Variants in DAB1 observed in about 807,000 individuals in gnomAD.
DAB1 encodes the protein DAB adaptor protein 1.
A neutral mutation model predicts 64.6 loss-of-function variants in DAB1; 15 were observed. The ratio of observed to expected loss-of-function variants is 0.23; its 90% CI spans 0.16 to 0.36. DAB1 has a LOEUF of 0.36. Among genes scored for constraint, DAB1 ranks in the 10% least tolerant of loss-of-function variants. The pLI is 1.00. For missense variants in DAB1, 596 were observed against 706.7 expected (o/e 0.84, Z 1.78); for synonymous variants, 235 against 251.9 (o/e 0.93, Z 0.64).
chr1:57,495,159 G>C (rs1473659014), intron 7 of DAB1, among the ~76,000 whole-genome samples: 2 of 152,086 alleles, frequency 1.3e-5, no homozygotes, highest in Non-Finnish European at 2.9e-5. Context: ...AGTTAATAAA[G>C]CTTCTAAAAA....
chr1:57,504,970 G>A (rs917758646), intron 7 of DAB1, among the ~76,000 whole-genome samples: 10 of 152,168 alleles, frequency 6.6e-5, no homozygotes, highest in Non-Finnish European at 1.3e-4. Flanking sequence ...CAGCCAAGAG[G>A]AACTTAAGAA....
At chr1:57,912,691 G>T (rs6674934) in intron 5 of DAB1, among the ~76,000 whole-genome samples, 8,243 of 152,122 alleles carry the variant, frequency 0.054, 766 homozygotes, top group African/African-American at 0.19. Flanking sequence ...TATCTAGAAA[G>T]CCCCATCGTC....
chr1:57,008,521 T>C (rs1486659454), intron 14 of DAB1, among the ~76,000 whole-genome samples: 1 of 152,190 alleles, frequency 6.6e-6, no homozygotes, highest in Non-Finnish European at 1.5e-5. Flanking sequence ...GCTTCACATA[T>C]ATCACTTTAT....
At chr1:57,692,423 G>T (rs1646775476) in intron 6 of DAB1, among the ~76,000 whole-genome samples, 1 of 151,982 alleles carries the variant, frequency 6.6e-6, no homozygotes, top group Non-Finnish European at 1.5e-5. Context: ...AGAAAGACAG[G>T]AAGTCAAAGA....
At chr1:57,991,290 T>C (rs1646334293) in intron 5 of DAB1, among the ~76,000 whole-genome samples, 1 of 152,224 alleles carries the variant, frequency 6.6e-6, no homozygotes, top group Non-Finnish European at 1.5e-5. Flanking sequence ...GTAACTTTTC[T>C]GGTAACCTAA....
intron 7 of DAB1, among the ~76,000 whole-genome samples, chr1:57,601,862 A>C (rs1645579244): frequency 6.6e-6 from 1 of 152,108 alleles, no homozygotes; most frequent in South Asian, 2.1e-4. Flanking sequence ...GCTAATTTCC[A>C]GGGTTTAAAA....
At chr1:58,443,237 CT>C (rs1399230602) in intron 3 of DAB1, among the ~76,000 whole-genome samples, 1 of 152,232 alleles carries the variant, frequency 6.6e-6, no homozygotes, top group Non-Finnish European at 1.5e-5. Flanking sequence ...ATAATTTGTG[CT>C]TCTTCCAGTC....
At chr1:58,026,512 C>T (rs1025020682) in intron 5 of DAB1, among the ~76,000 whole-genome samples, 1 of 152,144 alleles carries the variant, frequency 6.6e-6, no homozygotes. Context: ...ATCATATAAA[C>T]TATTGAATAA....
intron 5 of DAB1, among the ~76,000 whole-genome samples, chr1:58,112,038 T>A (rs1651994728): frequency 1.3e-5 from 2 of 152,116 alleles, no homozygotes; most frequent in South Asian, 4.1e-4. Context: ...TTTCTCCCTA[T>A]CCCCCAGTGG....
chr1:57,879,909 T>C (rs1644116103), intron 1 of DAB1, among the ~76,000 whole-genome samples: 1 of 152,180 alleles, frequency 6.6e-6, no homozygotes, highest in African/African-American at 2.4e-5. Flanking sequence ...CAGAGGCTGT[T>C]GCACAGAGGA....
intron 6 of DAB1, among the ~76,000 whole-genome samples, chr1:57,758,781 A>C (rs1379255210): frequency 6.6e-6 from 1 of 152,210 alleles, no homozygotes; most frequent in Non-Finnish European, 1.5e-5. Flanking sequence ...AAAACAAAAC[A>C]CCTGACTGTC....
intron 4 of DAB1, among the ~76,000 whole-genome samples, chr1:58,200,371 C>T (rs1326781567): frequency 6.6e-6 from 1 of 152,218 alleles, no homozygotes; most frequent in African/African-American, 2.4e-5. Flanking sequence ...ACCCACTCAC[C>T]TCCTCGCTTA....
intron 5 of DAB1, among the ~76,000 whole-genome samples, chr1:58,037,215 AG>A (rs1405386158): frequency 2.0e-5 from 3 of 152,178 alleles, no homozygotes; most frequent in African/African-American, 7.2e-5. Context: ...ACAGATTTCT[AG>A]AGGCACCTGG....
intron 3 of DAB1, among the ~76,000 whole-genome samples, chr1:58,452,376 A>T (rs1269768661): frequency 6.6e-6 from 1 of 151,970 alleles, no homozygotes; most frequent in African/African-American, 2.4e-5. Flanking sequence ...TAGAGATACC[A>T]TTATAACCCT....
chr1:57,228,638 T>G (rs1267758136), intron 2 of DAB1, among the ~76,000 whole-genome samples: 1 of 151,722 alleles, frequency 6.6e-6, no homozygotes, highest in African/African-American at 2.4e-5. Context: ...GTGGGTTATA[T>G]GGATTGGAAA....
At chr1:57,388,216 A>G (rs1353047177) in intron 1 of DAB1, among the ~76,000 whole-genome samples, 1 of 152,166 alleles carries the variant, frequency 6.6e-6, no homozygotes, top group Non-Finnish European at 1.5e-5. Context: ...TCTTTCAACA[A>G]AGATTTCCTT....
At chr1:57,446,547 G>A (rs1334522037) in intron 7 of DAB1, among the ~76,000 whole-genome samples, 8 of 146,604 alleles carry the variant, frequency 5.5e-5, no homozygotes, top group African/African-American at 2.0e-4. Flanking sequence ...GCAGTGAGCC[G>A]AGATCGCGCC....
intron 6 of DAB1, among the ~76,000 whole-genome samples, chr1:57,754,758 A>T (rs1455649848): frequency 6.6e-6 from 1 of 152,190 alleles, no homozygotes; most frequent in East Asian, 1.9e-4. Flanking sequence ...AAGGTCTGCC[A>T]CTGGTCCAAG....
chr1:58,460,141 G>A (rs1462196256), intron 3 of DAB1, among the ~76,000 whole-genome samples: 2 of 152,192 alleles, frequency 1.3e-5, no homozygotes, highest in African/African-American at 4.8e-5. Flanking sequence ...TTTGAGCAGA[G>A]AGCATGGATG....
Sources: gnomAD v4.1 joint callset for allele counts (sites outside exome capture counted in the v4.1 genomes callset) on GRCh38, gnomAD v4.1.1 for gene constraint, MANE v1.5 for transcripts, NCBI Gene and HGNC (gene_info 2026-07-23, HGNC 2026-07-21) for gene names.